Variants in SLC23A2 observed in about 807,000 individuals in gnomAD.
SLC23A2 encodes solute carrier family 23 member 2.
In SLC23A2, 36 loss-of-function variants were observed where a neutral mutation model predicts 73.3. The observed-to-expected ratio is 0.49, with a 90% CI of 0.38 to 0.65. The LOEUF (loss-of-function observed/expected upper bound fraction) is 0.65, where lower values mean the gene tolerates loss of function less well. SLC23A2 is among the 30% of genes least tolerant of loss of function. The pLI is 0.00. For synonymous variants in SLC23A2, 343 were observed against 327.3 expected (o/e 1.05, Z -0.52); for missense variants, 507 against 841.6 (o/e 0.60, Z 4.92).
In SLC23A2 at chr20:4,874,699, G is replaced by C. The variant is rs747499978; in HGVS notation, c.825-3C>G. ...ACAGTAATACTAGGAATATTGTCCTGAGGAGAGAAAGAAAACAAACTAGGT... is the reference window on the plus strand; with the variant it reads ...ACAGTAATACTAGGAATATTGTCCTCAGGAGAGAAAGAAAACAAACTAGGT... On this transcript the variant is annotated splice_region_variant and splice_polypyrimidine_tract_variant and intron_variant, in intron 9 of 16. Transcript: ENST00000338244. 1.9e-6 allele frequency: 3 copies of C among 1,585,612 alleles called. No homozygotes were observed. The highest frequency in any genetic ancestry group is 2.6e-6 in the Non-Finnish European group (3 of 1,166,084).
At chr20:4,941,692 ACT>A (rs1283444060) in intron 2 of SLC23A2, among the ~76,000 whole-genome samples, 1 of 151,028 alleles carries the variant, frequency 6.6e-6, no homozygotes, top group Non-Finnish European at 1.5e-5. Flanking sequence ...ACAGGGTGAG[ACT>A]CTGTCTCGAG....
intron 9 of SLC23A2, among the ~76,000 whole-genome samples, chr20:4,879,991 G>GA (rs754549726): frequency 1.3e-5 from 2 of 152,238 alleles, no homozygotes; most frequent in Non-Finnish European, 2.9e-5. Flanking sequence ...TTACAGTAGA[G>GA]AATGATGCTG....
chr20:4,906,837 T>A (rs1388773379), intron 4 of SLC23A2, among the ~76,000 whole-genome samples: 2 of 152,024 alleles, frequency 1.3e-5, no homozygotes, highest in East Asian at 3.9e-4. Context: ...AGATTAATAT[T>A]TTTTTTAATA....
intron 13 of SLC23A2, among the ~76,000 whole-genome samples, chr20:4,866,564 C>T (rs1930208928): frequency 1.3e-5 from 2 of 152,188 alleles, no homozygotes; most frequent in African/African-American, 4.8e-5. Flanking sequence ...CCTCACATCC[C>T]CCATACAGGG....
chr20:4,955,382 C>T (rs1171845521), intron 2 of SLC23A2, among the ~76,000 whole-genome samples: 1 of 151,894 alleles, frequency 6.6e-6, no homozygotes, highest in Non-Finnish European at 1.5e-5. Flanking sequence ...CACACACACA[C>T]ACACACACAC....
At chr20:4,963,370 G>GC (rs1490699992) in intron 2 of SLC23A2, among the ~76,000 whole-genome samples, 2 of 152,128 alleles carry the variant, frequency 1.3e-5, no homozygotes, top group Non-Finnish European at 2.9e-5. Context: ...TATCCAGCAA[G>GC]CCACCAAGTC....
intron 6 of SLC23A2, among the ~76,000 whole-genome samples, chr20:4,895,133 G>T (rs1049234960): frequency 6.6e-6 from 1 of 152,220 alleles, no homozygotes; most frequent in African/African-American, 2.4e-5. Context: ...AGCTGGAGAA[G>T]TCTGACACTG....
At chr20:4,957,688 G>T (rs1024541144) in intron 2 of SLC23A2, among the ~76,000 whole-genome samples, 2 of 151,808 alleles carry the variant, frequency 1.3e-5, no homozygotes, top group African/African-American at 4.8e-5. Flanking sequence ...ATTACCTGAG[G>T]TCAGGAGTTC....
intron 1 of SLC23A2, among the ~76,000 whole-genome samples, chr20:4,990,490 G>A (rs1225318713): frequency 6.6e-6 from 1 of 151,578 alleles, no homozygotes; most frequent in Non-Finnish European, 1.5e-5. Flanking sequence ...ATGCTACTCA[G>A]CCTCCTGAGT....
chr20:4,896,598 C>T (rs1931531331), intron 6 of SLC23A2, among the ~76,000 whole-genome samples: 2 of 152,168 alleles, frequency 1.3e-5, no homozygotes, highest in South Asian at 4.1e-4. Context: ...GGATTCAAAG[C>T]AGGAAGGGAC....
intron 4 of SLC23A2, among the ~76,000 whole-genome samples, chr20:4,907,320 T>A (rs962705836): frequency 6.6e-6 from 1 of 151,808 alleles, no homozygotes; most frequent in Non-Finnish European, 1.5e-5. Flanking sequence ...GCTTTCCACC[T>A]GGTCACTCAA....
At chr20:4,897,123 G>A (rs936141343) in intron 6 of SLC23A2, among the ~76,000 whole-genome samples, 7 of 152,150 alleles carry the variant, frequency 4.6e-5, no homozygotes, top group Non-Finnish European at 8.8e-5. Flanking sequence ...GCCAGGCCCC[G>A]CACCTGCCAC....
At chr20:4,981,680 C>T (rs2087728539) in intron 1 of SLC23A2, among the ~76,000 whole-genome samples, 1 of 150,566 alleles carries the variant, frequency 6.6e-6, no homozygotes, top group Non-Finnish European at 1.5e-5. Flanking sequence ...CTCCCTCCCT[C>T]CCTTTCTTTC....
chr20:4,915,659 C>A (rs1932295784), intron 3 of SLC23A2, among the ~76,000 whole-genome samples: 1 of 152,030 alleles, frequency 6.6e-6, no homozygotes, highest in Non-Finnish European at 1.5e-5. Context: ...TTTAAGTATG[C>A]CAGAGAGGCC....
intron 11 of SLC23A2, 86 bp from the exon 12 acceptor site, chr20:4,870,139 G>A: frequency 8.9e-7 from 1 of 1,119,930 alleles, no homozygotes; most frequent in South Asian, 1.6e-5. Context: ...TCTGAACGCT[G>A]CAAGACTCTA....
chr20:4,916,301 G>C (rs528234227), intron 3 of SLC23A2, among the ~76,000 whole-genome samples: 1 of 152,032 alleles, frequency 6.6e-6, no homozygotes, highest in East Asian at 1.9e-4. Context: ...CCTAAAACAC[G>C]GATCAGTTAC....
chr20:4,960,946 T>A (rs1332778596), intron 2 of SLC23A2, among the ~76,000 whole-genome samples: 4 of 152,148 alleles, frequency 2.6e-5, no homozygotes, highest in Non-Finnish European at 2.9e-5. Context: ...AGACTATCTA[T>A]CTTTAAAAGG....
chr20:4,941,864 A>G (rs559204898), intron 2 of SLC23A2, among the ~76,000 whole-genome samples: 1 of 152,348 alleles, frequency 6.6e-6, no homozygotes, highest in Non-Finnish European at 1.5e-5. Flanking sequence ...ATAATGAAAA[A>G]GATAGTATGT....
In SLC23A2 at chr20:4,947,756, G is replaced by C. The variant is rs2087139320; in HGVS notation, c.-154-15040C>G. On this transcript the variant is annotated intron_variant, in intron 2 of 16. Transcript: ENST00000338244. The surrounding 1 kb of genome is among the most constrained non-coding windows in gnomAD (Gnocchi z 4.4). ...TTGTTCGTGTTACCTTCCAAGCTAA[G>C]AGAACGAGACTCTGAAGAAAAGGCC... 6.6e-6 allele frequency among the ~76,000 whole-genome samples: 1 copy of C among 152,220 alleles called. No individual in the cohort carries two copies. Among genetic ancestry groups the C allele is most frequent in the Admixed American group, 6.5e-5 (1 of 15,286 alleles).
Sources: allele counts gnomAD v4.1 joint callset (sites outside exome capture counted in the v4.1 genomes callset), GRCh38; gene constraint gnomAD v4.1.1; non-coding constraint Gnocchi (gnomAD v3.1); transcripts MANE v1.5; gene names NCBI Gene and HGNC (gene_info 2026-07-23, HGNC 2026-07-21).